The following HMCN1 variants were observed in gnomAD, a reference collection of about 807,000 sequenced individuals.
HMCN1 encodes hemicentin 1.
HMCN1 carries 321 observed loss-of-function variants against 625.9 expected under a neutral mutation model. The ratio of observed to expected loss-of-function variants is 0.51; its 90% CI spans 0.47 to 0.56. HMCN1 has a LOEUF of 0.56. Ranked by LOEUF, HMCN1 falls within the 20% of genes least tolerant of loss-of-function variation. HMCN1 has a pLI of 0.00. For synonymous variants in HMCN1, 2,425 were observed against 2,417.6 expected, an observed-to-expected ratio of 1.00 and a Z score of -0.09; for missense variants, 6,588 against 6,887.3, an observed-to-expected ratio of 0.96 and a Z score of 1.54.
Position 186,189,639 on chromosome 1 carries a change from T to A in HMCN1, c.16669T>A (p.Tyr5557Asn). 1.2e-6 allele frequency: 2 copies of A among 1,612,788 alleles called. No homozygotes were observed. Among genetic ancestry groups the A allele is most frequent in the Non-Finnish European group, 1.7e-6 (2 of 1,179,252 alleles). ...TNQDLIRLVA[Y>N]TQDGVMHPRT... ...TCAAGATTTAATCCGGCTGGTTGCATACACACAGGATGGAGTGATGCATCC... is the reference window on the plus strand; with the variant it reads ...TCAAGATTTAATCCGGCTGGTTGCAAACACACAGGATGGAGTGATGCATCC... The change falls in exon 107 of 107, where the codon TAC becomes AAC. Residue 5557 changes from tyrosine to asparagine, a missense_variant. Around this residue, in one of 3 missense-constraint regions of HMCN1, gnomAD observed 1,954 missense variants for 2,013.1 expected, o/e 0.97. Transcript: ENST00000271588.
chr1:185,848,049 A>T (rs1011276575), intron 2 of HMCN1, among the ~76,000 whole-genome samples: 1 of 152,218 alleles, frequency 6.6e-6, no homozygotes, highest in African/African-American at 2.4e-5. Flanking sequence ...AAAACCATAA[A>T]AAACAAAACA....
intron 1 of HMCN1, among the ~76,000 whole-genome samples, chr1:185,774,462 A>C (rs1180240184): frequency 6.6e-6 from 1 of 152,180 alleles, no homozygotes; most frequent in Non-Finnish European, 1.5e-5. Flanking sequence ...TTTTTCCCTG[A>C]CAGTGTCTGT....
chr1:185,954,726 C>T (rs1021259569), intron 11 of HMCN1, among the ~76,000 whole-genome samples: 10 of 152,162 alleles, frequency 6.6e-5, no homozygotes, highest in Admixed American at 2.6e-4. Flanking sequence ...CCTAGACTGG[C>T]AGTCAGGGCA....
At chr1:185,743,181 A>G (rs1571291517) in intron 1 of HMCN1, among the ~76,000 whole-genome samples, 1 of 152,234 alleles carries the variant, frequency 6.6e-6, no homozygotes, top group East Asian at 1.9e-4. Flanking sequence ...GCCACACAAT[A>G]GACACTCAAG....
chr1:186,135,176 C>T (rs939635303), intron 86 of HMCN1, among the ~76,000 whole-genome samples: 6 of 152,216 alleles, frequency 3.9e-5, no homozygotes, highest in African/African-American at 1.4e-4. Flanking sequence ...CGTAAACATT[C>T]TGCCAGCAGT....
intron 10 of HMCN1, among the ~76,000 whole-genome samples, 172 bp from the exon 11 acceptor site, chr1:185,933,377 A>G (rs1667649385): frequency 6.6e-6 from 1 of 152,150 alleles, no homozygotes; most frequent in African/African-American, 2.4e-5. Flanking sequence ...GCATCCTTTA[A>G]GTGGTAATTT....
At chr1:185,961,834 T>C (rs1468006750) in intron 11 of HMCN1, among the ~76,000 whole-genome samples, 5 of 152,174 alleles carry the variant, frequency 3.3e-5, no homozygotes, top group Non-Finnish European at 4.4e-5. Context: ...GTTGAGGTCC[T>C]GTGCATGCAC....
intron 71 of HMCN1, among the ~76,000 whole-genome samples, chr1:186,111,106 A>C (rs980389964): frequency 6.7e-6 from 1 of 148,168 alleles, no homozygotes; most frequent in Admixed American, 6.8e-5. Flanking sequence ...TCAGCCTCCC[A>C]AGTAGCTGGG....
At position 186,145,875 on chromosome 1, in the gene HMCN1, C is replaced by T. The variant is rs1650287207; in HGVS notation, c.14560C>T (p.Pro4854Ser). 6.2e-7 allele frequency: 1 copy of T among 1,613,870 alleles called. No homozygotes were observed. Among genetic ancestry groups the T allele is most frequent in the African/African-American group, 1.3e-5 (1 of 74,838 alleles). The change falls in exon 93 of 107, where the codon CCC (proline) becomes TCC (serine). Residue 4854 changes from proline (P) to serine (S), a missense_variant. Pro to Ser is a moderately conservative substitution (Grantham distance 74, BLOSUM62 -1). This residue lies in a region of HMCN1 where 1,954 missense variants were observed against 2,013.1 expected (regional missense o/e 0.97). Transcript: ENST00000271588. ...GCCAGTTAAAGGTGGCCGTCCCTGT[C>T]CCGGAGACACTACTCAGGTGACCAG... is the stretch of plus-strand genomic sequence containing the variant. ...PVPVKGGRPC[P>S]GDTTQVTRCN...
Position 186,023,155 on chromosome 1 carries a change from T to C in HMCN1, c.5749+2T>C. ...AGCACATTCAACTGCATGTTCATGGTAATGTAATTTCTACACCTTAACAAA... is the reference window on the plus strand; with the variant it reads ...AGCACATTCAACTGCATGTTCATGGCAATGTAATTTCTACACCTTAACAAA... On this transcript the variant is annotated splice_donor_variant, in intron 36 of 106. Transcript: ENST00000271588. LOFTEE classifies it high-confidence loss of function. 1 of 1,612,588 alleles carries C rather than the reference T, an allele frequency of 6.2e-7. No individual in the cohort carries two copies. The highest frequency in any genetic ancestry group is 8.5e-7 in the Non-Finnish European group (1 of 1,178,882).
At chr1:185,863,702 G>A (rs950526900) in intron 2 of HMCN1, among the ~76,000 whole-genome samples, 1 of 152,160 alleles carries the variant, frequency 6.6e-6, no homozygotes, top group Non-Finnish European at 1.5e-5. Context: ...ATTGCTCTGA[G>A]GATGGGAACA....
intron 6 of HMCN1, among the ~76,000 whole-genome samples, chr1:185,921,697 G>C (rs1667014261): frequency 6.6e-6 from 1 of 152,064 alleles, no homozygotes; most frequent in Non-Finnish European, 1.5e-5. Flanking sequence ...ATTTTATTTT[G>C]AGACAGAATC....
intron 1 of HMCN1, among the ~76,000 whole-genome samples, chr1:185,835,735 T>G (rs1054069696): frequency 1.3e-5 from 2 of 151,028 alleles, no homozygotes; most frequent in African/African-American, 5.0e-5. Flanking sequence ...ATTTCATATT[T>G]TAAATATTTC....
intron 1 of HMCN1, among the ~76,000 whole-genome samples, chr1:185,796,626 C>G (rs1036031480): frequency 7.4e-5 from 11 of 148,784 alleles, no homozygotes; most frequent in South Asian, 2.1e-4. Flanking sequence ...GAGTTTGTGT[C>G]TGTGTGTGTG....
At chr1:186,103,434 CTG>C (rs746320402) in intron 68 of HMCN1, 36 bp from the exon 69 acceptor site, 3 of 1,536,720 alleles carry the variant, frequency 2.0e-6, no homozygotes, top group African/African-American at 1.4e-5. Context: ...TTTTATGAAA[CTG>C]TGGGTTTATT....
chr1:186,129,854 C>CT, intron 83 of HMCN1, 112 bp from the exon 84 acceptor site: 1 of 1,278,582 alleles, frequency 7.8e-7, no homozygotes, highest in Non-Finnish European at 1.1e-6. Context: ...AATGTCATCT[C>CT]TTTGGTTCAA....
chr1:185,817,013 T>C (rs1414967571), intron 1 of HMCN1, among the ~76,000 whole-genome samples: 3 of 152,194 alleles, frequency 2.0e-5, no homozygotes, highest in Admixed American at 6.6e-5. Context: ...TCTTGAACAG[T>C]GCCTGGCACA....
chr1:186,126,488 A>G (rs1038755709), intron 82 of HMCN1, among the ~76,000 whole-genome samples: 2 of 152,140 alleles, frequency 1.3e-5, no homozygotes, highest in African/African-American at 4.8e-5. Flanking sequence ...ATAAGAGGGG[A>G]AAAGAGTGTC....
At chr1:185,818,132 A>C (rs975550713) in intron 1 of HMCN1, among the ~76,000 whole-genome samples, 1 of 151,962 alleles carries the variant, frequency 6.6e-6, no homozygotes, top group Non-Finnish European at 1.5e-5. Flanking sequence ...ACCTAGATAT[A>C]TTTTCTTTAT....
Sources: allele counts gnomAD v4.1 joint callset (sites outside exome capture counted in the v4.1 genomes callset), GRCh38; gene constraint gnomAD v4.1.1; regional missense constraint gnomAD v4.1.1; transcripts MANE v1.5; gene names NCBI Gene and HGNC (gene_info 2026-07-23, HGNC 2026-07-21).